MTHFD1L: variants seen among roughly 807,000 people sequenced by gnomAD.
MTHFD1L encodes monofunctional C1-tetrahydrofolate synthase, mitochondrial.
In MTHFD1L, 81 loss-of-function variants were observed where a neutral mutation model predicts 119.5. That is an observed-to-expected ratio of 0.68 (90% CI 0.57 to 0.82). The LOEUF is 0.82. Ranked by LOEUF, MTHFD1L falls within the 40% of genes least tolerant of loss-of-function variation. The pLI, the probability that MTHFD1L is intolerant of heterozygous loss-of-function variation, is 0.00. For synonymous variants in MTHFD1L, 430 were observed against 475.2 expected, an observed-to-expected ratio of 0.90 and a Z score of 1.24; for missense variants, 1,125 against 1,253.4, an observed-to-expected ratio of 0.90 and a Z score of 1.55.
At chr6:150,874,218 A>G (rs1038926004) in intron 1 of MTHFD1L, among the ~76,000 whole-genome samples, 2 of 152,222 alleles carry the variant, frequency 1.3e-5, no homozygotes, top group Non-Finnish European at 2.9e-5. Flanking sequence ...ATTCAGCACA[A>G]TAATACAATT....
chr6:150,974,523 C>T (rs770471972), intron 20 of MTHFD1L, among the ~76,000 whole-genome samples: 68 of 152,066 alleles, frequency 4.5e-4, no homozygotes, highest in Admixed American at 4.2e-3. Context: ...GCTGCAGAAC[C>T]GAAGTCCCAT....
chr6:150,908,285 TG>T (rs1257698132), intron 8 of MTHFD1L, among the ~76,000 whole-genome samples: 1 of 151,840 alleles, frequency 6.6e-6, no homozygotes, highest in Non-Finnish European at 1.5e-5. Flanking sequence ...TTTAAGTTAG[TG>T]GCATGTTTAG....
intron 20 of MTHFD1L, among the ~76,000 whole-genome samples, chr6:150,991,270 A>C (rs903755394): frequency 3.9e-5 from 6 of 152,192 alleles, no homozygotes; most frequent in Non-Finnish European, 8.8e-5. Flanking sequence ...AGCAAAAAAA[A>C]AAAATTATTG....
At chr6:150,892,443 C>G (rs1188597035) in intron 7 of MTHFD1L, among the ~76,000 whole-genome samples, 1 of 152,162 alleles carries the variant, frequency 6.6e-6, no homozygotes, top group Non-Finnish European at 1.5e-5. Flanking sequence ...TTCTTGTTTT[C>G]ATATGGACCA....
intron 8 of MTHFD1L, 120 bp downstream of exon 8, chr6:150,905,881 G>A: frequency 1.3e-6 from 1 of 772,788 alleles, no homozygotes. Context: ...TTAATATATA[G>A]GGTAGGAAAC....
chr6:150,876,595 A>G (rs2073066), intron 2 of MTHFD1L, among the ~76,000 whole-genome samples: 25,364 of 152,216 alleles, frequency 0.17, 2,281 homozygotes, highest in South Asian at 0.24. Context: ...AAAACCTGCC[A>G]TAAACTTAAT....
chr6:150,885,793 T>A, intron 6 of MTHFD1L, 59 bp downstream of exon 6: 2 of 1,336,146 alleles, frequency 1.5e-6, no homozygotes, highest in Non-Finnish European at 2.1e-6. Context: ...ACATTATTTT[T>A]AATAAGGATT....
intron 8 of MTHFD1L, among the ~76,000 whole-genome samples, chr6:150,914,914 C>G (rs1169733850): frequency 2.0e-5 from 3 of 152,182 alleles, no homozygotes; most frequent in African/African-American, 7.2e-5. Context: ...ACTTGCCTCT[C>G]TCTTCCACAA....
chr6:151,097,060 A>G (rs1202279993), intron 27 of MTHFD1L, among the ~76,000 whole-genome samples: 2 of 152,210 alleles, frequency 1.3e-5, no homozygotes, highest in Non-Finnish European at 2.9e-5. Flanking sequence ...ATTGGAATGA[A>G]GGATTTGATA....
At chr6:150,914,715 A>G (rs1253770382) in intron 8 of MTHFD1L, among the ~76,000 whole-genome samples, 1 of 152,250 alleles carries the variant, frequency 6.6e-6, no homozygotes, top group Non-Finnish European at 1.5e-5. Context: ...CACCTTACCT[A>G]GCTGCCGGTG....
chr6:151,085,961 G>A (rs1187411498), intron 26 of MTHFD1L, among the ~76,000 whole-genome samples: 1 of 151,634 alleles, frequency 6.6e-6, no homozygotes, highest in Non-Finnish European at 1.5e-5. Flanking sequence ...GGTCACCTGG[G>A]TGTCCTTGTA....
chr6:151,042,342 C>T (rs138781378), intron 26 of MTHFD1L, among the ~76,000 whole-genome samples: 16 of 152,232 alleles, frequency 1.1e-4, no homozygotes, highest in East Asian at 3.9e-4. Context: ...GATTCTTGAA[C>T]GACATAATAC....
At chr6:151,073,273 TGAGAAAACTACCCATCACCA>T (rs1178044527) in intron 26 of MTHFD1L, among the ~76,000 whole-genome samples, 1 of 152,102 alleles carries the variant, frequency 6.6e-6, no homozygotes, top group Non-Finnish European at 1.5e-5. Flanking sequence ...AGTGTGGTTG[TGAGAAAACTACCCATCACCA>T]GAGAAAGGAT....
At chr6:151,051,432 A>C (rs1789015777) in intron 26 of MTHFD1L, among the ~76,000 whole-genome samples, 1 of 152,138 alleles carries the variant, frequency 6.6e-6, no homozygotes, top group Admixed American at 6.5e-5. Flanking sequence ...AGATTAGCTC[A>C]TCACTCCCCA....
At chr6:151,065,740 G>C (rs780330207) in intron 26 of MTHFD1L, among the ~76,000 whole-genome samples, 35 of 152,234 alleles carry the variant, frequency 2.3e-4, no homozygotes, top group Non-Finnish European at 4.7e-4. Context: ...TGCCCAGCCA[G>C]GGTGTGGCCA....
chr6:150,933,654 C>G (rs114266670), intron 11 of MTHFD1L, among the ~76,000 whole-genome samples: 7 of 152,164 alleles, frequency 4.6e-5, no homozygotes, highest in Admixed American at 1.3e-4. Flanking sequence ...CTGAATCCAC[C>G]GACCACTCTC....
At chr6:151,097,072 T>G (rs1387491267) in intron 27 of MTHFD1L, among the ~76,000 whole-genome samples, 1 of 152,230 alleles carries the variant, frequency 6.6e-6, no homozygotes, top group Non-Finnish European at 1.5e-5. Context: ...GATTTGATAC[T>G]TTTCCCCCCA....
chr6:150,989,592 GTTTTC>G (rs1026076722), intron 20 of MTHFD1L, among the ~76,000 whole-genome samples: 12 of 152,116 alleles, frequency 7.9e-5, no homozygotes, highest in East Asian at 1.9e-4. Flanking sequence ...AATGTCAATA[GTTTTC>G]TTTTTTTGTT....
chr6:150,874,543 G>A (rs887077855), intron 1 of MTHFD1L, among the ~76,000 whole-genome samples: 2 of 152,200 alleles, frequency 1.3e-5, no homozygotes, highest in African/African-American at 4.8e-5. Context: ...TTTTTGTTAG[G>A]TGCAGTGCAA....
Sources: allele counts gnomAD v4.1 joint callset (sites outside exome capture counted in the v4.1 genomes callset), GRCh38; gene constraint gnomAD v4.1.1; transcripts MANE v1.5; gene names NCBI Gene and HGNC (gene_info 2026-07-23, HGNC 2026-07-21).